The following MPP7 variants were observed in gnomAD, a reference collection of about 807,000 sequenced individuals.
MPP7 encodes the protein MAGUK p55 subfamily member 7.
Under a neutral mutation model 76.5 loss-of-function variants are expected in MPP7, and 60 were observed. That is an observed-to-expected ratio of 0.78 (90% confidence interval 0.64 to 0.97). The LOEUF (loss-of-function observed/expected upper bound fraction) is 0.97, where lower values mean the gene tolerates loss of function less well. Among genes scored for constraint, MPP7 ranks in the 50% least tolerant of loss-of-function variants. The pLI is 0.00. For synonymous variants in MPP7, 237 were observed against 244.5 expected, an observed-to-expected ratio of 0.97 and a Z score of 0.29; for missense variants, 641 against 694.0, an observed-to-expected ratio of 0.92 and a Z score of 0.86.
At chr10:28,172,688 C>A (rs1233696965) in intron 3 of MPP7, among the ~76,000 whole-genome samples, 10 of 152,184 alleles carry the variant, frequency 6.6e-5, no homozygotes, top group African/African-American at 2.4e-4. Flanking sequence ...AGAAATTACA[C>A]CGAGCTATAG....
At chr10:28,234,827 T>C (rs1839015975) in intron 2 of MPP7, among the ~76,000 whole-genome samples, 1 of 151,984 alleles carries the variant, frequency 6.6e-6, no homozygotes, top group Non-Finnish European at 1.5e-5. Flanking sequence ...TTTGTTTTTT[T>C]TGAGACAGGG....
chr10:28,202,508 C>T (rs1025903273), intron 2 of MPP7, among the ~76,000 whole-genome samples: 3 of 152,122 alleles, frequency 2.0e-5, no homozygotes, highest in Non-Finnish European at 4.4e-5. Context: ...CATTCTACAG[C>T]CCTCCAAGTT....
chr10:28,206,915 CG>C (rs1336960959), intron 2 of MPP7, among the ~76,000 whole-genome samples: 2 of 152,024 alleles, frequency 1.3e-5, no homozygotes, highest in African/African-American at 4.8e-5. Context: ...TTCTTTGCAA[CG>C]TTTTTTTTCT....
chr10:28,184,026 A>C (rs991256909), intron 3 of MPP7, among the ~76,000 whole-genome samples: 1 of 152,010 alleles, frequency 6.6e-6, no homozygotes, highest in Admixed American at 6.6e-5. Context: ...CACACAAAGT[A>C]GGTACTATTA....
intron 1 of MPP7, among the ~76,000 whole-genome samples, chr10:28,282,450 G>A (rs1212427166): frequency 6.6e-6 from 1 of 151,952 alleles, no homozygotes; most frequent in Admixed American, 6.6e-5. Flanking sequence ...TATAGCCACT[G>A]AGCAACTGCA....
At chr10:28,264,699 G>A (rs985307249) in intron 1 of MPP7, among the ~76,000 whole-genome samples, 3 of 152,050 alleles carry the variant, frequency 2.0e-5, no homozygotes, top group Non-Finnish European at 2.9e-5. Context: ...TATGGAAGTG[G>A]GAAGCACAGA....
intron 3 of MPP7, among the ~76,000 whole-genome samples, chr10:28,181,960 T>C (rs1043077003): frequency 1.1e-4 from 17 of 152,182 alleles, no homozygotes; most frequent in Non-Finnish European, 1.9e-4. Context: ...AATAAGGATT[T>C]TGTGTTAAAT....
intron 3 of MPP7, among the ~76,000 whole-genome samples, chr10:28,168,248 T>C (rs1217957983): frequency 6.6e-6 from 1 of 151,998 alleles, no homozygotes; most frequent in Non-Finnish European, 1.5e-5. Flanking sequence ...AAAGATTATA[T>C]TTTCTATATC....
At chr10:28,141,078 A>G (rs1048195862) in intron 5 of MPP7, among the ~76,000 whole-genome samples, 1 of 152,162 alleles carries the variant, frequency 6.6e-6, no homozygotes, top group African/African-American at 2.4e-5. Context: ...TTTAATCCCA[A>G]GAATTTAATG....
chr10:28,259,293 G>A (rs1393607675), intron 1 of MPP7, among the ~76,000 whole-genome samples: 1 of 152,030 alleles, frequency 6.6e-6, no homozygotes, highest in Non-Finnish European at 1.5e-5. Context: ...AATACCTACA[G>A]TGAGGCCAGG....
At chr10:28,319,724 C>T (rs1834348948) in intron 2 of MPP7, among the ~76,000 whole-genome samples, 1 of 152,022 alleles carries the variant, frequency 6.6e-6, no homozygotes, top group African/African-American at 2.4e-5. Flanking sequence ...GTCTGTAATC[C>T]CAGCACTTTG....
chr10:28,253,098 G>T (rs1270625609), intron 1 of MPP7, among the ~76,000 whole-genome samples: 2 of 152,054 alleles, frequency 1.3e-5, no homozygotes, highest in East Asian at 3.9e-4. Flanking sequence ...AGTAGAGATG[G>T]GTTTTCACCA....
chr10:28,178,529 C>T (rs970915310), intron 3 of MPP7, among the ~76,000 whole-genome samples: 1 of 151,842 alleles, frequency 6.6e-6, no homozygotes, highest in East Asian at 1.9e-4. Context: ...AACCATTCTA[C>T]TGAATACTCA....
At chr10:28,304,681 G>A (rs1166488391), upstream of MPP7, among the ~76,000 whole-genome samples, 3 of 152,162 alleles carry the variant, frequency 2.0e-5, no homozygotes, top group Non-Finnish European at 4.4e-5. Flanking sequence ...TTTTTACATT[G>A]TGTAAGGAAA....
In MPP7 at chr10:28,157,615, C is replaced by T. The variant is rs973972562; in HGVS notation, c.157-7556G>A. On this transcript the variant is annotated intron_variant, in intron 3 of 16. Transcript: ENST00000683449. ...CTTGAAACTCAAGCCTGTTCTGGGG[C>T]TCTGCATGCCCTGGACCCTGCAGAC... is the stretch of plus-strand genomic sequence containing the variant. Among the ~76,000 whole-genome samples, 15 of 152,336 alleles carry T rather than the reference C, an allele frequency of 9.8e-5. No individual in the cohort carries two copies. The East Asian group carries it at 1.2e-3, about 12-fold the overall frequency.
At chr10:28,276,725 G>T (rs1840510154) in intron 1 of MPP7, among the ~76,000 whole-genome samples, 1 of 152,082 alleles carries the variant, frequency 6.6e-6, no homozygotes, top group South Asian at 2.1e-4. Flanking sequence ...TCACTGATCT[G>T]ATCACAGAAC....
At chr10:28,247,314 T>A (rs1839468175) in intron 1 of MPP7, among the ~76,000 whole-genome samples, 1 of 152,182 alleles carries the variant, frequency 6.6e-6, no homozygotes, top group South Asian at 2.1e-4. Context: ...TATCAAAAAA[T>A]ACACTTTCTA....
In MPP7 at chr10:28,131,701, T is replaced by G. The variant is rs749076035; in HGVS notation, c.316-10A>C. ...GTACAGAGAGCAAAGCCTGTAATAT[T>G]CAAAGGTTGATTTAAATAAGTAAAT... On this transcript the variant is annotated splice_polypyrimidine_tract_variant and intron_variant, in intron 5 of 16. Transcript: ENST00000683449. 5 of 1,525,418 alleles carry G rather than the reference T, an allele frequency of 3.3e-6. No individual in the cohort carries two copies. In the Admixed American group the frequency reaches 8.9e-5, roughly 27 times the overall value. The allele number at this position is 1,525,418 out of a possible 1,614,324, so 94.5% of individuals were successfully genotyped here. A position where few individuals can be genotyped will look rare whatever the true frequency, so the allele number is the denominator to read the frequency against.
At chr10:28,154,193 C>T (rs551560446) in intron 3 of MPP7, among the ~76,000 whole-genome samples, 4 of 152,278 alleles carry the variant, frequency 2.6e-5, no homozygotes, top group Admixed American at 2.6e-4. Flanking sequence ...TTAAAGCAGA[C>T]TTTCTTTTGT....
Sources: allele counts gnomAD v4.1 joint callset (sites outside exome capture counted in the v4.1 genomes callset), GRCh38; gene constraint gnomAD v4.1.1; transcripts MANE v1.5; gene names NCBI Gene and HGNC (gene_info 2026-07-23, HGNC 2026-07-21).